Variants in GPC5 observed in about 807,000 individuals in gnomAD.
GPC5 encodes the protein glypican 5.
In GPC5, 47 loss-of-function variants were observed where a neutral mutation model predicts 53.9. That is an observed-to-expected ratio of 0.87 (90% CI 0.69 to 1.11). GPC5 has a LOEUF of 1.11. Ranked by LOEUF, GPC5 falls within the 50% of genes most tolerant of loss-of-function variation. The pLI, the probability that GPC5 is intolerant of heterozygous loss-of-function variation, is 0.00. For missense variants in GPC5, 748 were observed against 713.1 expected, an observed-to-expected ratio of 1.05 and a Z score of -0.56; for synonymous variants, 286 against 263.3, an observed-to-expected ratio of 1.09 and a Z score of -0.84.
intron 2 of GPC5, among the ~76,000 whole-genome samples, chr13:91,680,654 G>A (rs537078054): frequency 6.3e-4 from 96 of 152,156 alleles, no homozygotes; most frequent in Non-Finnish European, 1.2e-3. Context: ...ATGTTTTGGT[G>A]TAATATCAAA....
chr13:91,782,216 G>C (rs2037809001), intron 5 of GPC5, among the ~76,000 whole-genome samples: 2 of 152,168 alleles, frequency 1.3e-5, no homozygotes, highest in African/African-American at 4.8e-5. Flanking sequence ...ATATACTTCA[G>C]TTGAGTAACA....
intron 7 of GPC5, among the ~76,000 whole-genome samples, chr13:92,399,625 A>C (rs1250709639): frequency 6.6e-6 from 1 of 152,132 alleles, no homozygotes; most frequent in African/African-American, 2.4e-5. Context: ...TCCAGGCAAA[A>C]GGAAGGGATC....
rs1043717106 is a variant in GPC5 at position 92,763,229 on chromosome 13, A to G, written c.1562-103053A>G. On this transcript the variant is annotated intron_variant, in intron 7 of 7. Transcript: ENST00000377067. ...ATGTCTGTGCATTGGTAGAACAATCATCTCTTCCAAACTTTATAGAGTGTC... is the reference window on the plus strand; with the variant it reads ...ATGTCTGTGCATTGGTAGAACAATCGTCTCTTCCAAACTTTATAGAGTGTC... Among the ~76,000 whole-genome samples, 5 of 152,246 alleles carry G rather than the reference A, an allele frequency of 3.3e-5. No individual in the cohort carries two copies. The South Asian group carries it at 8.3e-4, about 25-fold the overall frequency.
At chr13:91,417,076 G>A (rs185632775) in intron 1 of GPC5, among the ~76,000 whole-genome samples, 4 of 152,232 alleles carry the variant, frequency 2.6e-5, no homozygotes, top group Non-Finnish European at 5.9e-5. Context: ...GCAGAGGGGG[G>A]GAGTATTTAG....
intron 2 of GPC5, among the ~76,000 whole-genome samples, chr13:91,461,829 A>C (rs1032802254): frequency 1.3e-5 from 2 of 152,118 alleles, no homozygotes; most frequent in Non-Finnish European, 2.9e-5. Context: ...TTGGTGGTCC[A>C]AACTCCTAGA....
intron 7 of GPC5, among the ~76,000 whole-genome samples, chr13:92,699,098 T>A (rs1887649987): frequency 6.6e-6 from 1 of 152,154 alleles, no homozygotes; most frequent in African/African-American, 2.4e-5. Context: ...GCTGCCTCAA[T>A]TTCAGAACTT....
At chr13:92,433,842 G>A (rs961520465) in intron 7 of GPC5, among the ~76,000 whole-genome samples, 2 of 152,054 alleles carry the variant, frequency 1.3e-5, no homozygotes, top group African/African-American at 2.4e-5. Context: ...CCTACCTCTA[G>A]GTCCTAAAGA....
At chr13:91,747,689 A>G (rs2037081929) in intron 4 of GPC5, among the ~76,000 whole-genome samples, 1 of 151,838 alleles carries the variant, frequency 6.6e-6, no homozygotes, top group Admixed American at 6.6e-5. Flanking sequence ...TGTTTTTAGA[A>G]TGTGATAATT....
chr13:91,990,984 G>A (rs2040451172), intron 6 of GPC5, among the ~76,000 whole-genome samples: 2 of 152,124 alleles, frequency 1.3e-5, no homozygotes, highest in Admixed American at 6.6e-5. Context: ...TCACTGTAGA[G>A]CTATGGTTAT....
At chr13:92,236,447 G>T (rs1196814718) in intron 7 of GPC5, among the ~76,000 whole-genome samples, 1 of 152,026 alleles carries the variant, frequency 6.6e-6, no homozygotes, top group African/African-American at 2.4e-5. Flanking sequence ...TATGAAGAGG[G>T]TGGTATAGAT....
chr13:91,420,444 G>A (rs180704424), intron 1 of GPC5, among the ~76,000 whole-genome samples: 232 of 152,172 alleles, frequency 1.5e-3, no homozygotes, highest in African/African-American at 5.5e-3. Context: ...GGGGACTCCT[G>A]GCTTTCAGCA....
chr13:92,452,813 C>T (rs574690339), intron 7 of GPC5, among the ~76,000 whole-genome samples: 2 of 152,314 alleles, frequency 1.3e-5, no homozygotes, highest in South Asian at 4.1e-4. Context: ...AGGCAATCCA[C>T]CTGCCTCGGC....
chr13:92,206,172 T>G (rs1406485994), intron 7 of GPC5, among the ~76,000 whole-genome samples: 2 of 147,726 alleles, frequency 1.4e-5, no homozygotes, highest in East Asian at 2.0e-4. Context: ...TTTTTATTTT[T>G]TTTTTTTTTT....
chr13:92,679,010 G>T (rs1026758220), intron 7 of GPC5, among the ~76,000 whole-genome samples: 1 of 152,110 alleles, frequency 6.6e-6, no homozygotes, highest in African/African-American at 2.4e-5. Flanking sequence ...AAAGGTGGGG[G>T]GAAATGGATT....
intron 6 of GPC5, among the ~76,000 whole-genome samples, chr13:91,994,311 G>T (rs549779635): frequency 6.6e-6 from 1 of 152,118 alleles, no homozygotes; most frequent in African/African-American, 2.4e-5. Flanking sequence ...ATCCATAATT[G>T]TGCCTGACAC....
At position 92,514,246 on chromosome 13, in the gene GPC5, T is replaced by G. The variant is rs137871414; in HGVS notation, c.1562-352036T>G. On this transcript the variant is annotated intron_variant, in intron 7 of 7. Transcript: ENST00000377067. ...ATTTTAATATATTTTCTCTCAAATT[T>G]AGTGTTACTGTTTTCATGTCAGGGA... Among the ~76,000 whole-genome samples the G allele has an allele frequency of 4.2e-4, 64 of 151,322 alleles. 1 individual carries two copies. Among genetic ancestry groups the G allele is most frequent in the Non-Finnish European group, 6.2e-4 (42 of 67,886 alleles).
chr13:92,617,417 A>G (rs974904789), intron 7 of GPC5, among the ~76,000 whole-genome samples: 64 of 152,164 alleles, frequency 4.2e-4, no homozygotes, highest in African/African-American at 1.4e-3. Flanking sequence ...TTTCTGCTCT[A>G]CTAGCTATCA....
chr13:91,748,060 G>A (rs1047757927), intron 4 of GPC5, among the ~76,000 whole-genome samples: 1 of 152,168 alleles, frequency 6.6e-6, no homozygotes, highest in Admixed American at 6.5e-5. Flanking sequence ...GAGAACTCCA[G>A]GTGTACAGTT....
chr13:92,065,259 G>C (rs927182933), intron 6 of GPC5, among the ~76,000 whole-genome samples: 14 of 152,064 alleles, frequency 9.2e-5, no homozygotes, highest in Non-Finnish European at 1.3e-4. Flanking sequence ...AAATAAATGA[G>C]ACTACAACAA....
Sources: allele counts gnomAD v4.1 joint callset (sites outside exome capture counted in the v4.1 genomes callset), GRCh38; gene constraint gnomAD v4.1.1; transcripts MANE v1.5; gene names NCBI Gene and HGNC (gene_info 2026-07-23, HGNC 2026-07-21).